PIAS2: variants seen among roughly 807,000 people sequenced by gnomAD.
PIAS2 encodes the protein E3 SUMO-protein ligase PIAS2.
In PIAS2, 19 loss-of-function variants were observed where a neutral mutation model predicts 69.7. That is an observed-to-expected ratio of 0.27 (90% CI 0.19 to 0.40). The LOEUF (loss-of-function observed/expected upper bound fraction) is 0.40. Among genes scored for constraint, PIAS2 ranks in the 10% least tolerant of loss-of-function variants. The pLI is 1.00. For synonymous variants in PIAS2, 261 were observed against 263.2 expected (o/e 0.99, Z 0.08); for missense variants, 624 against 757.0 (o/e 0.82, Z 2.06).
rs112786041 is a variant in PIAS2, at chr18:46,870,216, G to A, written c.500-5968C>T. On this transcript the variant is annotated intron_variant, in intron 2 of 13. Coordinates refer to ENST00000585916, the MANE Select transcript of PIAS2 (RefSeq NM_004671.5). ...ACTCCTTTTCCCCTCCACCTCTAAG[G>A]AATCAGCCCCAACTCTTTTCCCCTT... Among the ~76,000 whole-genome samples the A allele has an allele frequency of 3.8e-3, 584 of 152,190 alleles. 2 individuals carry two copies. Among genetic ancestry groups the A allele is most frequent in the African/African-American group, 0.013 (558 of 41,524 alleles).
rs1024577666 is a variant in PIAS2 at position 46,858,082 on chromosome 18, A to C, written c.585-2467T>G. Among the ~76,000 whole-genome samples the C allele has an allele frequency of 7.9e-5, 12 of 152,318 alleles. No individual in the cohort carries two copies. In the East Asian group the frequency reaches 2.3e-3, roughly 29 times the overall value. ...TGAACTGGCCCTTGAAACATGACTC[A>C]AGAAGTTTGCCAGGCAGAGTACAGA... On this transcript the variant is annotated intron_variant, in intron 3 of 13. Transcript: ENST00000585916.
In PIAS2 at chr18:46,803,460, G is replaced by A. The variant is rs1264681173; in HGVS notation, c.*8973C>T. 2.0e-5 allele frequency: 3 copies of A among 152,132 alleles called. No individual in the cohort carries two copies. The highest frequency in any genetic ancestry group is 7.2e-5 in the African/African-American group (3 of 41,408). The allele number at this position is 152,132 out of a possible 1,614,324, so 9.4% of individuals were successfully genotyped here. On this transcript the variant is annotated 3_prime_UTR_variant, in exon 14 of 14. Transcript: ENST00000585916. ...AGCTGCTGCTTCTTGATTTCCTTGTGTTCCTTTTCCAGTCTTCTTTTCTCA... is the reference window on the plus strand; with the variant it reads ...AGCTGCTGCTTCTTGATTTCCTTGTATTCCTTTTCCAGTCTTCTTTTCTCA...
intron 1 of PIAS2, among the ~76,000 whole-genome samples, chr18:46,899,998 A>G (rs985512359): frequency 6.6e-6 from 1 of 152,184 alleles, no homozygotes. Context: ...TGGGAGGCCA[A>G]GTGGGCAGAT....
At chr18:46,846,676 T>C (rs1343317887) in intron 6 of PIAS2, 31 bp downstream of exon 6, 5 of 1,587,894 alleles carry the variant, frequency 3.1e-6, no homozygotes, top group Non-Finnish European at 4.3e-6. Context: ...GTGGGGTCAC[T>C]GTCCTGCTAC....
intron 1 of PIAS2, among the ~76,000 whole-genome samples, chr18:46,896,277 C>T (rs997264809): frequency 8.0e-6 from 1 of 124,550 alleles, no homozygotes; most frequent in African/African-American, 3.0e-5. Flanking sequence ...AAAAACTAAA[C>T]AAATTTCTTT....
chr18:46,844,987 A>T, intron 6 of PIAS2, 148 bp from the exon 7 acceptor site: 1 of 399,634 alleles, frequency 2.5e-6, no homozygotes, highest in Middle Eastern at 6.3e-4. Context: ...AAGGGGACAA[A>T]ATTCACCAAG....
intron 3 of PIAS2, among the ~76,000 whole-genome samples, chr18:46,858,245 AGATGTTGAAAACAACTGCCAGGCAATGG>A: frequency 1.3e-5 from 2 of 152,096 alleles, no homozygotes; most frequent in Non-Finnish European, 2.9e-5. Context: ...AAGCAGAGCA[AGATGTTGAAAACAACTGCCAGGCAATGG>A]AGTGTGGACT....
chr18:46,882,145 T>C (rs1315146703), intron 2 of PIAS2, among the ~76,000 whole-genome samples: 2 of 151,998 alleles, frequency 1.3e-5, no homozygotes, highest in African/African-American at 4.8e-5. Flanking sequence ...TAAGTCCTTA[T>C]TATATACTTA....
intron 2 of PIAS2, among the ~76,000 whole-genome samples, chr18:46,875,637 A>T (rs2051057491): frequency 1.3e-5 from 2 of 152,218 alleles, no homozygotes; most frequent in Non-Finnish European, 2.9e-5. Flanking sequence ...TCCCATCTCC[A>T]GAACCACCCA....
At chr18:46,894,116 A>AC (rs1169556430) in intron 1 of PIAS2, among the ~76,000 whole-genome samples, 2 of 152,120 alleles carry the variant, frequency 1.3e-5, no homozygotes, top group East Asian at 3.9e-4. Flanking sequence ...ACAGAGTGAG[A>AC]CCCCATCTCA....
intron 1 of PIAS2, chr18:46,906,118 T>G (rs1420292565): frequency 6.6e-6 from 1 of 152,122 alleles, no homozygotes; most frequent in African/African-American, 2.4e-5. Context: ...CAGAAAAAGC[T>G]TCTGATAAAA....
intron 2 of PIAS2, among the ~76,000 whole-genome samples, chr18:46,876,974 A>G (rs2145802363): frequency 6.6e-6 from 1 of 152,302 alleles, no homozygotes; most frequent in African/African-American, 2.4e-5. Context: ...TACTGGGATT[A>G]CAGGCGTGAG....
chr18:46,806,575 C>CA lies in PIAS2; in HGVS notation c.*5857dup. On this transcript the variant is annotated 3_prime_UTR_variant, in exon 14 of 14. Transcript: ENST00000585916. ...TTTACCAAGTTGGCCAGGCTGGTCT[C>CA]AAACTCCTGGCCTCAAGTGATTTGC... 6.6e-6 allele frequency: 1 copy of CA among 151,988 alleles called. No individual in the cohort carries two copies. The highest frequency in any genetic ancestry group is 2.1e-4 in the South Asian group (1 of 4,816). The allele number at this position is 151,988 out of a possible 1,614,324, so 9.4% of individuals were successfully genotyped here.
At chr18:46,818,215 T>C (rs2041775468) in intron 12 of PIAS2, 1 of 1,204,162 alleles carries the variant, frequency 8.3e-7, no homozygotes, top group African/African-American at 1.6e-5. Flanking sequence ...GCTACATGAT[T>C]AAATATGTAA....
At chr18:46,907,716 C>A (rs1599071557) in intron 1 of PIAS2, 1 of 151,844 alleles carries the variant, frequency 6.6e-6, no homozygotes, top group African/African-American at 2.4e-5. Context: ...AAATGCAGAT[C>A]AAAAATATGG....
chr18:46,817,179 G>C, intron 12 of PIAS2: 3 of 964,158 alleles, frequency 3.1e-6, no homozygotes, highest in Non-Finnish European at 3.7e-6. Context: ...AGTTTCATAT[G>C]TTCAATCATC....
intron 2 of PIAS2, among the ~76,000 whole-genome samples, chr18:46,885,583 G>A (rs567686794): frequency 3.3e-5 from 5 of 151,570 alleles, no homozygotes; most frequent in African/African-American, 1.2e-4. Context: ...ACAGCTACTG[G>A]TTTCAAAATC....
chr18:46,821,506 C>T (rs1339377427), intron 11 of PIAS2, among the ~76,000 whole-genome samples: 1 of 152,178 alleles, frequency 6.6e-6, no homozygotes, highest in East Asian at 1.9e-4. Context: ...CTCACTGTAG[C>T]ACAATCCAAA....
chr18:46,873,198 T>C (rs1477450137), intron 2 of PIAS2, among the ~76,000 whole-genome samples: 1 of 152,222 alleles, frequency 6.6e-6, no homozygotes, highest in Non-Finnish European at 1.5e-5. Flanking sequence ...GGCAGGAAGA[T>C]GGCTCACCGA....
Sources: gnomAD v4.1 joint callset for allele counts (sites outside exome capture counted in the v4.1 genomes callset) on GRCh38, gnomAD v4.1.1 for gene constraint, MANE v1.5 for transcripts, NCBI Gene and HGNC (gene_info 2026-07-23, HGNC 2026-07-21) for gene names.